YLPM1: variants seen among roughly 807,000 people sequenced by gnomAD.
The protein encoded by YLPM1 is YLP motif containing 1.
Under a neutral mutation model 230.0 loss-of-function variants are expected in YLPM1, and 99 were observed. That is an observed-to-expected ratio of 0.43 (90% CI 0.37 to 0.51). The LOEUF (loss-of-function observed/expected upper bound fraction) is 0.51, where lower values mean the gene tolerates loss of function less well. Among genes scored for constraint, YLPM1 ranks in the 20% least tolerant of loss-of-function variants. The probability of loss-of-function intolerance (pLI) is 0.00; values close to 1 mark genes in which losing one functional copy is unlikely to be tolerated. For missense variants in YLPM1, 2,592 were observed against 2,707.7 expected, an observed-to-expected ratio of 0.96 and a Z score of 0.95; for synonymous variants, 984 against 942.5, an observed-to-expected ratio of 1.04 and a Z score of -0.81.
intron 5 of YLPM1, 54 bp from the exon 6 acceptor site, chr14:74,802,502 T>C: frequency 1.3e-6 from 2 of 1,546,454 alleles, no homozygotes; most frequent in Non-Finnish European, 1.7e-6. Flanking sequence ...TTGTAGTCAC[T>C]TAGGAATGGA....
At position 74,809,463 on chromosome 14, in the gene YLPM1, A is replaced by T; in HGVS notation, c.4605A>T (p.Ser1535=). ...GACCCTCTGCTCCACCAGCAAGATC[A>T]TCTGTTCCTGTGACCAGGCCACCTG... is the stretch of plus-strand genomic sequence containing the variant. ...IVRPSAPPAR[S]SVPVTRPPVP... The change falls in exon 7 of 21, where the codon TCA becomes TCT. Residue 1535 remains serine (S), a synonymous_variant. Coordinates refer to ENST00000325680, the MANE Select transcript of YLPM1 (RefSeq NM_019589.3). 6.3e-7 allele frequency: 1 copy of T among 1,595,736 alleles called. No individual in the cohort carries two copies. Among genetic ancestry groups the T allele is most frequent in the Middle Eastern group, 1.7e-4 (1 of 6,048 alleles).
intron 1 of YLPM1, among the ~76,000 whole-genome samples, chr14:74,770,370 TCTCAGCA>T (rs1824738159): frequency 6.7e-6 from 1 of 149,188 alleles, no homozygotes. Context: ...ATGCCTGTAA[TCTCAGCA>T]CTTTGGGAGG....
chr14:74,771,413 A>G (rs574355472), intron 1 of YLPM1, among the ~76,000 whole-genome samples: 2 of 152,348 alleles, frequency 1.3e-5, no homozygotes, highest in South Asian at 2.1e-4. Context: ...AAGGGAACCA[A>G]TGAAAGAATG....
chr14:74,801,200 TAAAC>T (rs2091321057), intron 5 of YLPM1, among the ~76,000 whole-genome samples: 1 of 152,174 alleles, frequency 6.6e-6, no homozygotes, highest in African/African-American at 2.4e-5. Flanking sequence ...TGAACATAAT[TAAAC>T]AATATATAGG....
At chr14:74,818,851 A>T (rs1266153954) in intron 16 of YLPM1, among the ~76,000 whole-genome samples, 1 of 152,220 alleles carries the variant, frequency 6.6e-6, no homozygotes, top group African/African-American at 2.4e-5. Flanking sequence ...GTCATGAAAG[A>T]TAAAGAATTT....
chr14:74,782,242 A>C lies in YLPM1; in HGVS notation c.2199A>C (p.Ala733=), dbSNP rs2091102907. 6 of 1,596,800 alleles carry C rather than the reference A, an allele frequency of 3.8e-6. No individual in the cohort carries two copies. In the East Asian group the frequency reaches 1.3e-4, roughly 36 times the overall value. The change falls in exon 4 of 21, where the codon GCA becomes GCC. Residue 733 remains alanine, a synonymous_variant. Transcript: ENST00000325680. The part of the protein sequence containing the change: ...SSAAPSQPIT[A]VKDMPVRSGG... ...CTGCTCCATCTCAGCCAATCACTGC[A>C]GTGAAGGACATGCCAGTGAGATCAG... is the stretch of plus-strand genomic sequence containing the variant.
At chr14:74,770,699 T>A (rs114378300) in intron 1 of YLPM1, among the ~76,000 whole-genome samples, 1,649 of 152,206 alleles carry the variant, frequency 0.011, 33 homozygotes, top group African/African-American at 0.038. Flanking sequence ...TAAGGCTCAC[T>A]GAAAGCTCAG....
At chr14:74,786,593 G>A (rs80230324) in intron 4 of YLPM1, among the ~76,000 whole-genome samples, 4,442 of 152,130 alleles carry the variant, frequency 0.029, 149 homozygotes, top group African/African-American at 0.079. Context: ...TTGTATTATT[G>A]TGAGAGTCAT....
At chr14:74,808,525 G>A (rs986709065) in intron 6 of YLPM1, among the ~76,000 whole-genome samples, 2 of 152,014 alleles carry the variant, frequency 1.3e-5, no homozygotes, top group Non-Finnish European at 1.5e-5. Flanking sequence ...ATGTTTGGCC[G>A]GGTGCGGTGG....
intron 4 of YLPM1, among the ~76,000 whole-genome samples, chr14:74,796,759 T>C (rs2091265147): frequency 6.6e-6 from 1 of 151,786 alleles, no homozygotes; most frequent in African/African-American, 2.4e-5. Flanking sequence ...TCTTTTTTTT[T>C]TTTTTTTAAC....
chr14:74,812,813 G>A, intron 11 of YLPM1, 31 bp downstream of exon 11: 1 of 1,599,730 alleles, frequency 6.3e-7, no homozygotes, highest in Non-Finnish European at 8.5e-7. Flanking sequence ...TCGTCTTCGT[G>A]CAAACCAGAA....
At chr14:74,805,202 A>G (rs947767490) in intron 6 of YLPM1, among the ~76,000 whole-genome samples, 1 of 151,818 alleles carries the variant, frequency 6.6e-6, no homozygotes, top group East Asian at 1.9e-4. Context: ...TTGTATTTTT[A>G]GTAGAGACAG....
chr14:74,792,135 T>C (rs182141222), intron 4 of YLPM1, among the ~76,000 whole-genome samples: 1 of 152,282 alleles, frequency 6.6e-6, no homozygotes, highest in African/African-American at 2.4e-5. Context: ...TACTTTTTTT[T>C]CCTTCTGTAA....
At chr14:74,783,505 C>T (rs1412669912) in intron 4 of YLPM1, among the ~76,000 whole-genome samples, 4 of 152,124 alleles carry the variant, frequency 2.6e-5, no homozygotes, top group African/African-American at 9.7e-5. Flanking sequence ...CACCTAATTC[C>T]ACCATCTGGA....
intron 10 of YLPM1, among the ~76,000 whole-genome samples, chr14:74,811,948 C>G (rs901947333): frequency 6.6e-6 from 1 of 152,186 alleles, no homozygotes; most frequent in Non-Finnish European, 1.5e-5. Context: ...TACTGATAGT[C>G]TCACTACCTA....
At chr14:74,767,975 C>T (rs2090929726) in intron 1 of YLPM1, among the ~76,000 whole-genome samples, 1 of 152,142 alleles carries the variant, frequency 6.6e-6, no homozygotes, top group African/African-American at 2.4e-5. Context: ...TTCTATCAAT[C>T]TTGCATCTAA....
At chr14:74,818,209 A>G (rs747466275) in intron 15 of YLPM1, 22 bp from the exon 16 acceptor site, 2 of 1,577,028 alleles carry the variant, frequency 1.3e-6, no homozygotes, top group East Asian at 2.3e-5. Flanking sequence ...GAGATAACTC[A>G]ACCATCTGAA....
At chr14:74,801,356 C>T (rs1414975903) in intron 5 of YLPM1, among the ~76,000 whole-genome samples, 1 of 151,582 alleles carries the variant, frequency 6.6e-6, no homozygotes, top group Non-Finnish European at 1.5e-5. Flanking sequence ...ACTTTGTGGT[C>T]CCTCATTTGT....
rs1168345468 is a variant in YLPM1, at chr14:74,798,774, A to G, written c.3477A>G (p.Arg1159=). The change falls in exon 5 of 21, where the codon AGA becomes AGG. Residue 1159 remains arginine (R), a synonymous_variant. Transcript: ENST00000325680. ...GCAGTCGAGAAAGGGGACTGGGAAG[A>G]TCAGATTTTGGTCGTGATAGAGGTC... ...GPGSRERGLG[R]SDFGRDRGPF... is the part of the protein sequence containing the mutation. 2 of 1,613,742 alleles carry G rather than the reference A, an allele frequency of 1.2e-6. No homozygotes were observed. Among genetic ancestry groups the G allele is most frequent in the African/African-American group, 2.7e-5 (2 of 74,890 alleles).
Sources: gnomAD v4.1 joint callset for allele counts (sites outside exome capture counted in the v4.1 genomes callset) on GRCh38, gnomAD v4.1.1 for gene constraint, MANE v1.5 for transcripts, NCBI Gene and HGNC (gene_info 2026-07-23, HGNC 2026-07-21) for gene names.